The following ZFPM2 variants were observed in gnomAD, a reference collection of about 807,000 sequenced individuals.
ZFPM2 encodes zinc finger protein ZFPM2.
Under a neutral mutation model 98.6 loss-of-function variants are expected in ZFPM2, and 20 were observed. The observed-to-expected ratio is 0.20, with a 90% CI of 0.14 to 0.29. ZFPM2 has a LOEUF of 0.29. Ranked by LOEUF, ZFPM2 falls within the 10% of genes least tolerant of loss-of-function variation. The pLI is 1.00. For missense variants in ZFPM2, 1,310 were observed against 1,388.6 expected (o/e 0.94, Z 0.90); for synonymous variants, 518 against 502.7 (o/e 1.03, Z -0.41).
chr8:105,601,136 G>A (rs1032417070), intron 4 of ZFPM2, among the ~76,000 whole-genome samples: 55 of 152,018 alleles, frequency 3.6e-4, no homozygotes, highest in African/African-American at 1.0e-3. Context: ...ACAAAGAATC[G>A]TTTTTCTCCA....
At chr8:105,513,438 GA>G (rs1040892581) in intron 3 of ZFPM2, among the ~76,000 whole-genome samples, 53 of 152,290 alleles carry the variant, frequency 3.5e-4, no homozygotes, top group Non-Finnish European at 5.7e-4. Flanking sequence ...GCTCATGGGG[GA>G]AAAGTCCCTT....
intron 5 of ZFPM2, among the ~76,000 whole-genome samples, chr8:105,655,185 A>T (rs1157346821): frequency 6.6e-6 from 1 of 150,492 alleles, no homozygotes; most frequent in Non-Finnish European, 1.5e-5. Context: ...TCATCGACTC[A>T]CAATTATAAA....
At chr8:105,696,128 G>T (rs1811011944) in intron 5 of ZFPM2, among the ~76,000 whole-genome samples, 2 of 152,144 alleles carry the variant, frequency 1.3e-5, no homozygotes, top group African/African-American at 4.8e-5. Flanking sequence ...CTTATTTTGA[G>T]AGTCTCTGCT....
intron 5 of ZFPM2, among the ~76,000 whole-genome samples, chr8:105,638,885 A>G (rs1816898760): frequency 6.6e-6 from 1 of 152,104 alleles, no homozygotes; most frequent in African/African-American, 2.4e-5. Context: ...TTAAAAGTAT[A>G]GTAGTTGGCA....
At chr8:105,339,665 G>T (rs1169364170) in intron 1 of ZFPM2, among the ~76,000 whole-genome samples, 5 of 151,870 alleles carry the variant, frequency 3.3e-5, no homozygotes, top group African/African-American at 1.2e-4. Flanking sequence ...CATGCTAGTA[G>T]TTAGATCAGA....
At chr8:105,449,948 A>G (rs1370472527) in intron 3 of ZFPM2, among the ~76,000 whole-genome samples, 1 of 152,084 alleles carries the variant, frequency 6.6e-6, no homozygotes, top group Non-Finnish European at 1.5e-5. Flanking sequence ...TTGGCAAATG[A>G]TTTTGCAATG....
chr8:105,493,249 G>A (rs1813391497), intron 3 of ZFPM2, among the ~76,000 whole-genome samples: 1 of 152,080 alleles, frequency 6.6e-6, no homozygotes, highest in Admixed American at 6.6e-5. Flanking sequence ...GTTTCTTTCA[G>A]CACCCCCAAG....
Position 105,383,300 on chromosome 8 carries a change from C to A in ZFPM2, c.41-35844C>A, listed in dbSNP as rs117917071. Among the ~76,000 whole-genome samples the A allele has an allele frequency of 8.7e-3, 1,327 of 152,206 alleles. 13 individuals carry two copies. The highest frequency in any genetic ancestry group is 0.027 in the Middle Eastern group (8 of 294). On this transcript the variant is annotated intron_variant, in intron 1 of 7. Coordinates refer to ENST00000407775, the MANE Select transcript of ZFPM2 (RefSeq NM_012082.4). ...TAAGCACCTATCCATGAGGCATTTA[C>A]AGATTGACTGGATGCTTGTTGAATT... is the stretch of plus-strand genomic sequence containing the variant.
At chr8:105,677,743 A>C (rs1202698801) in intron 5 of ZFPM2, among the ~76,000 whole-genome samples, 9 of 152,138 alleles carry the variant, frequency 5.9e-5, no homozygotes, top group Admixed American at 5.9e-4. Context: ...CTGTCAACTG[A>C]ATTAACTTCT....
At chr8:105,525,534 A>G (rs1229569200) in intron 3 of ZFPM2, among the ~76,000 whole-genome samples, 1 of 152,202 alleles carries the variant, frequency 6.6e-6, no homozygotes, top group Non-Finnish European at 1.5e-5. Context: ...TTCCATGTGT[A>G]AAAACCAGAC....
intron 4 of ZFPM2, among the ~76,000 whole-genome samples, chr8:105,633,746 T>A (rs955598455): frequency 6.6e-6 from 1 of 152,068 alleles, no homozygotes; most frequent in Non-Finnish European, 1.5e-5. Flanking sequence ...ACTTAGGGGG[T>A]TGGGTAGATT....
At chr8:105,634,379 T>A in intron 5 of ZFPM2, 22 bp downstream of exon 5, 1 of 1,577,872 alleles carries the variant, frequency 6.3e-7, no homozygotes, top group Non-Finnish European at 8.7e-7. Flanking sequence ...ATTGTTTCCC[T>A]CTCTCTTTGG....
At chr8:105,657,981 T>A (rs1479529211) in intron 5 of ZFPM2, among the ~76,000 whole-genome samples, 1 of 152,236 alleles carries the variant, frequency 6.6e-6, no homozygotes, top group Admixed American at 6.5e-5. Flanking sequence ...TCATTCATGT[T>A]TTTTTGTGTA....
At chr8:105,702,687 A>G (rs972800825) in intron 5 of ZFPM2, among the ~76,000 whole-genome samples, 4 of 152,248 alleles carry the variant, frequency 2.6e-5, no homozygotes, top group Non-Finnish European at 4.4e-5. Flanking sequence ...CACGTGTATA[A>G]GGGAGTTGGG....
At chr8:105,418,889 G>A (rs1811736570) in intron 1 of ZFPM2, 3 of 571,596 alleles carry the variant, frequency 5.2e-6, no homozygotes, top group South Asian at 1.7e-5. Context: ...TGAGGTTGGG[G>A]GTGGGGACGC....
chr8:105,803,531 T>C lies in ZFPM2; in HGVS notation c.3449T>C (p.Val1150Ala). 1 of 1,605,920 alleles carries C rather than the reference T, an allele frequency of 6.2e-7. No individual in the cohort carries two copies. Among genetic ancestry groups the C allele is most frequent in the African/African-American group, 1.3e-5 (1 of 74,974 alleles). The change falls in exon 8 of 8, where the codon GTC becomes GCC. Residue 1150 changes from valine (V) to alanine (A), a missense_variant. By Grantham distance (64) the Val-to-Ala change is moderately conservative (BLOSUM62 0). Coordinates refer to ENST00000407775, the MANE Select transcript of ZFPM2 (RefSeq NM_012082.4). Reference sequence around the variant, plus strand: ...TGCTCATCACATGCAGCAGAACATGTCAAATGAACTAACTAAACATCAGTC... The same window carrying C: ...TGCTCATCACATGCAGCAGAACATGCCAAATGAACTAACTAAACATCAGTC... ...FYCSSHAAEH[V>A]K is the part of the protein sequence containing the mutation.
At chr8:105,787,090 T>G (rs1304229189) in intron 5 of ZFPM2, 1 of 152,230 alleles carries the variant, frequency 6.6e-6, no homozygotes, top group Admixed American at 6.5e-5. Context: ...GCAAGTAGTT[T>G]GGATCTGAAT....
intron 4 of ZFPM2, among the ~76,000 whole-genome samples, chr8:105,567,872 A>C (rs563904111): frequency 6.6e-6 from 1 of 152,008 alleles, no homozygotes; most frequent in Non-Finnish European, 1.5e-5. Flanking sequence ...TCAATGGCAT[A>C]ATTTATAATT....
chr8:105,403,863 C>A (rs1212155719), intron 1 of ZFPM2, among the ~76,000 whole-genome samples: 1 of 152,020 alleles, frequency 6.6e-6, no homozygotes, highest in Non-Finnish European at 1.5e-5. Context: ...ATACTCAGTT[C>A]ATGCTGTTTT....
Sources: gnomAD v4.1 joint callset for allele counts (sites outside exome capture counted in the v4.1 genomes callset) on GRCh38, gnomAD v4.1.1 for gene constraint, MANE v1.5 for transcripts, NCBI Gene and HGNC (gene_info 2026-07-23, HGNC 2026-07-21) for gene names.